Variants in MYRIP observed in about 807,000 individuals in gnomAD.
The protein encoded by MYRIP is rab effector MyRIP.
MYRIP carries 49 observed loss-of-function variants against 98.0 expected under a neutral mutation model. The observed-to-expected ratio is 0.50, with a 90% confidence interval of 0.40 to 0.63. The LOEUF (loss-of-function observed/expected upper bound fraction) is 0.63, where lower values mean the gene tolerates loss of function less well. MYRIP is among the 30% of genes least tolerant of loss of function. The probability of loss-of-function intolerance (pLI) is 0.00; values close to 1 mark genes in which losing one functional copy is unlikely to be tolerated. For missense variants in MYRIP, 1,004 were observed against 1,058.2 expected, an observed-to-expected ratio of 0.95 and a Z score of 0.71; for synonymous variants, 404 against 409.5, an observed-to-expected ratio of 0.99 and a Z score of 0.16.
At chr3:40,182,147 C>G in intron 8 of MYRIP, 73 bp from the exon 9 acceptor site, 1 of 1,440,544 alleles carries the variant, frequency 6.9e-7, no homozygotes, top group Non-Finnish European at 9.3e-7. Context: ...ATGTCTGCCC[C>G]CAAAAGGTGA....
intron 5 of MYRIP, among the ~76,000 whole-genome samples, chr3:40,166,456 A>G (rs943957067): frequency 6.6e-6 from 1 of 152,122 alleles, no homozygotes; most frequent in African/African-American, 2.4e-5. Flanking sequence ...GCCTTTTTGG[A>G]TGATGAAAGC....
At chr3:39,878,511 G>T (rs1379744014) in intron 1 of MYRIP, among the ~76,000 whole-genome samples, 1 of 151,948 alleles carries the variant, frequency 6.6e-6, no homozygotes, top group East Asian at 1.9e-4. Context: ...AACAGTATGC[G>T]CCTGGTACTT....
At chr3:40,156,364 G>T (rs546165100) in intron 4 of MYRIP, among the ~76,000 whole-genome samples, 1 of 152,186 alleles carries the variant, frequency 6.6e-6, no homozygotes, top group South Asian at 2.1e-4. Context: ...TTCTGTTTTG[G>T]TACCAGTACC....
At chr3:40,153,265 C>T (rs1950157058) in intron 4 of MYRIP, among the ~76,000 whole-genome samples, 1 of 152,128 alleles carries the variant, frequency 6.6e-6, no homozygotes, top group South Asian at 2.1e-4. Context: ...TGAGATGGTA[C>T]TCAAACATAT....
intron 2 of MYRIP, among the ~76,000 whole-genome samples, chr3:39,991,512 C>T (rs533860630): frequency 5.6e-4 from 86 of 152,332 alleles, no homozygotes; most frequent in Non-Finnish European, 9.7e-4. Context: ...ACAATCATTT[C>T]TAATTATTTT....
intron 10 of MYRIP, among the ~76,000 whole-genome samples, chr3:40,202,603 T>C (rs1349911808): frequency 6.6e-6 from 1 of 152,192 alleles, no homozygotes; most frequent in Non-Finnish European, 1.5e-5. Flanking sequence ...GTGGCTCTGC[T>C]GTTTTCCTTT....
chr3:40,044,224 C>T lies in MYRIP; in HGVS notation c.285C>T (p.Tyr95=). Residue 95 remains tyrosine, a synonymous_variant, in exon 3 of 17, where the codon TAC becomes TAT. Coordinates refer to ENST00000302541, the MANE Select transcript of MYRIP (RefSeq NM_015460.4). ...ATGTCTGCAAGAGCTGCTGCTCCTACCAGAAGCACGAAAAGGCCTGGGTCT... is the reference window on the plus strand; with the variant it reads ...ATGTCTGCAAGAGCTGCTGCTCCTATCAGAAGCACGAAAAGGCCTGGGTCT... ...KFNVCKSCCS[Y]QKHEKAWVCC... is the part of the protein sequence containing the mutation. 1 of 1,614,176 alleles carries T rather than the reference C, an allele frequency of 6.2e-7. No individual in the cohort carries two copies. The highest frequency in any genetic ancestry group is 8.5e-7 in the Non-Finnish European group (1 of 1,180,026).
chr3:40,221,412 C>T (rs1374986848), intron 11 of MYRIP, among the ~76,000 whole-genome samples: 3 of 152,178 alleles, frequency 2.0e-5, no homozygotes, highest in African/African-American at 7.2e-5. Context: ...AAGCATATCG[C>T]TTGGGCCCAG....
At chr3:40,185,676 T>C (rs1575606229) in intron 9 of MYRIP, among the ~76,000 whole-genome samples, 1 of 152,096 alleles carries the variant, frequency 6.6e-6, no homozygotes, top group Non-Finnish European at 1.5e-5. Flanking sequence ...TGAGGCAACC[T>C]AGGGTTGTAA....
Position 40,250,426 on chromosome 3 carries a change from G to C in MYRIP, c.2368-13G>C, listed in dbSNP as rs1342800969. The C allele has an allele frequency of 6.2e-7, 1 of 1,613,970 alleles. No individual in the cohort carries two copies. Among genetic ancestry groups the C allele is most frequent in the East Asian group, 2.2e-5 (1 of 44,900 alleles). On this transcript the variant is annotated splice_polypyrimidine_tract_variant and intron_variant, in intron 14 of 16. Transcript: ENST00000302541. ...TCTGCAAAGGTATATTGCTCATTGT[G>C]TTCTGTTTGTAGGTACAAACCATAG...
chr3:40,136,154 A>G (rs1466141420), intron 3 of MYRIP, among the ~76,000 whole-genome samples: 2 of 152,224 alleles, frequency 1.3e-5, no homozygotes, highest in Non-Finnish European at 2.9e-5. Flanking sequence ...ATGTGCGGAG[A>G]CAAACATAGG....
intron 2 of MYRIP, among the ~76,000 whole-genome samples, chr3:40,002,211 C>T (rs1946534222): frequency 6.6e-6 from 1 of 152,156 alleles, no homozygotes; most frequent in Admixed American, 6.6e-5. Flanking sequence ...AGAGCAGTCC[C>T]TCTGCCTTAT....
At chr3:39,964,303 T>C (rs1322361054) in intron 2 of MYRIP, among the ~76,000 whole-genome samples, 2 of 152,116 alleles carry the variant, frequency 1.3e-5, no homozygotes, top group Non-Finnish European at 2.9e-5. Flanking sequence ...GTATACATGA[T>C]AATATAGCAG....
chr3:40,097,783 A>G (rs1027935399), intron 3 of MYRIP, among the ~76,000 whole-genome samples: 2 of 152,214 alleles, frequency 1.3e-5, no homozygotes, highest in Non-Finnish European at 2.9e-5. Flanking sequence ...GAAATGCTGC[A>G]GAACCCATTT....
At chr3:39,841,834 A>C (rs9821533) in intron 1 of MYRIP, among the ~76,000 whole-genome samples, 5 of 151,948 alleles carry the variant, frequency 3.3e-5, no homozygotes, top group African/African-American at 1.2e-4. Context: ...TGGAAGCTTC[A>C]ACCTAGAGGG....
At chr3:39,907,929 A>G (rs1203308855) in intron 2 of MYRIP, among the ~76,000 whole-genome samples, 4 of 152,306 alleles carry the variant, frequency 2.6e-5, no homozygotes, top group South Asian at 4.1e-4. Flanking sequence ...ATGATTTTAT[A>G]TCATCAGGAA....
chr3:39,866,949 C>T (rs1942645709), intron 1 of MYRIP, among the ~76,000 whole-genome samples: 1 of 152,118 alleles, frequency 6.6e-6, no homozygotes. Context: ...CTGTAGTAAT[C>T]CAACAGTATA....
intron 8 of MYRIP, among the ~76,000 whole-genome samples, chr3:40,177,868 G>C (rs1950801501): frequency 6.6e-6 from 1 of 152,052 alleles, no homozygotes; most frequent in African/African-American, 2.4e-5. Flanking sequence ...CTGTTCTCCT[G>C]TCTTTTGTCC....
intron 1 of MYRIP, among the ~76,000 whole-genome samples, chr3:39,880,845 G>A (rs1943140800): frequency 6.6e-6 from 1 of 152,034 alleles, no homozygotes; most frequent in Non-Finnish European, 1.5e-5. Context: ...CATTGTGTTG[G>A]AGACTCAGTG....
Sources: gnomAD v4.1 joint callset for allele counts (sites outside exome capture counted in the v4.1 genomes callset) on GRCh38, gnomAD v4.1.1 for gene constraint, MANE v1.5 for transcripts, NCBI Gene and HGNC (gene_info 2026-07-23, HGNC 2026-07-21) for gene names.